Variants in STMN2 observed in about 807,000 individuals in gnomAD.
STMN2 encodes the protein stathmin-2.
A neutral mutation model predicts 24.1 loss-of-function variants in STMN2; 2 were observed. The observed-to-expected ratio is 0.08, with a 90% CI of 0.03 to 0.26. The LOEUF (loss-of-function observed/expected upper bound fraction) is 0.26, where lower values mean the gene tolerates loss of function less well. STMN2 is among the 10% of genes least tolerant of loss of function. The probability of loss-of-function intolerance (pLI) is 1.00; values close to 1 mark genes in which losing one functional copy is unlikely to be tolerated. For missense variants in STMN2, 114 were observed against 213.6 expected (o/e 0.53, Z 2.91); for synonymous variants, 83 against 77.5 (o/e 1.07, Z -0.37).
chr8:79,619,716 T>C (rs944151059), intron 1 of STMN2, among the ~76,000 whole-genome samples: 2 of 152,230 alleles, frequency 1.3e-5, no homozygotes, highest in Non-Finnish European at 2.9e-5. Flanking sequence ...AAAATATCTA[T>C]TGTTATTATT....
chr8:79,653,351 T>C (rs767200100), intron 3 of STMN2, among the ~76,000 whole-genome samples: 2 of 152,140 alleles, frequency 1.3e-5, no homozygotes, highest in Non-Finnish European at 2.9e-5. Flanking sequence ...TACTTCTGCC[T>C]GGGTGACAGA....
intron 4 of STMN2, among the ~76,000 whole-genome samples, chr8:79,664,596 T>C (rs17525442): frequency 0.32 from 48,244 of 152,116 alleles, 9,578 homozygotes; most frequent in Non-Finnish European, 0.45. Flanking sequence ...TGGTCATAGT[T>C]TTAAACAAAA....
At chr8:79,655,194 A>T (rs1585909236) in intron 4 of STMN2, 132 bp downstream of exon 4, 2 of 926,622 alleles carry the variant, frequency 2.2e-6, no homozygotes, top group Non-Finnish European at 3.2e-6. Context: ...TCCCATGGGC[A>T]GGGTCTCACA....
At chr8:79,658,687 T>C (rs1806433332) in intron 4 of STMN2, among the ~76,000 whole-genome samples, 1 of 152,200 alleles carries the variant, frequency 6.6e-6, no homozygotes, top group Non-Finnish European at 1.5e-5. Flanking sequence ...CTGCCTACCA[T>C]TCAGCACTCA....
intron 3 of STMN2, among the ~76,000 whole-genome samples, chr8:79,643,815 T>C (rs1371420729): frequency 6.6e-6 from 1 of 151,966 alleles, no homozygotes; most frequent in Non-Finnish European, 1.5e-5. Flanking sequence ...AATCATCCAG[T>C]GTTATGATGC....
chr8:79,647,278 A>C (rs764636016), intron 3 of STMN2, among the ~76,000 whole-genome samples: 3 of 152,374 alleles, frequency 2.0e-5, no homozygotes, highest in Non-Finnish European at 2.9e-5. Context: ...GCAGTATTGC[A>C]CTAAATTGAC....
chr8:79,634,413 T>A (rs1462537729), intron 1 of STMN2, among the ~76,000 whole-genome samples: 4 of 152,224 alleles, frequency 2.6e-5, no homozygotes, highest in African/African-American at 9.6e-5. Flanking sequence ...AGGACTTTTA[T>A]GGCACAGGAC....
intron 1 of STMN2, chr8:79,611,781 G>T: frequency 1.0e-6 from 1 of 965,100 alleles, no homozygotes; most frequent in Non-Finnish European, 1.2e-6. Context: ...CCTGGGGTGC[G>T]GTGCAGGGAG....
At chr8:79,632,016 G>T (rs142537798) in intron 1 of STMN2, among the ~76,000 whole-genome samples, 1 of 152,152 alleles carries the variant, frequency 6.6e-6, no homozygotes, top group Admixed American at 6.6e-5. Context: ...TAACAATTGC[G>T]GGTGCAAGAC....
chr8:79,654,918 C>G lies in STMN2; in HGVS notation c.336C>G (p.His112Gln). Residue 112 changes from histidine (H) to glutamine (Q), a missense_variant, in exon 4 of 5, where the codon CAC becomes CAG. His to Gln is a conservative substitution (Grantham distance 24). Coordinates refer to ENST00000220876, the MANE Select transcript of STMN2 (RefSeq NM_007029.4). ...AACAATTGGCAGAGAAGAGGGAACACGAGCGAGAAGTCCTTCAGAAGGCTT... is the reference window on the plus strand; with the variant it reads ...AACAATTGGCAGAGAAGAGGGAACAGGAGCGAGAAGTCCTTCAGAAGGCTT... ...VLKQLAEKRE[H>Q]EREVLQKALE... 6.2e-7 allele frequency: 1 copy of G among 1,613,592 alleles called. No homozygotes were observed. The highest frequency in any genetic ancestry group is 8.5e-7 in the Non-Finnish European group (1 of 1,179,728).
At chr8:79,647,209 C>T (rs1242187319) in intron 3 of STMN2, among the ~76,000 whole-genome samples, 4 of 152,030 alleles carry the variant, frequency 2.6e-5, no homozygotes, top group East Asian at 3.8e-4. Flanking sequence ...AATTATCTTA[C>T]CATGATTATA....
At chr8:79,624,695 C>T (rs1176093551) in intron 1 of STMN2, among the ~76,000 whole-genome samples, 14 of 152,104 alleles carry the variant, frequency 9.2e-5, no homozygotes, top group Admixed American at 2.0e-4. Flanking sequence ...TGAATACATA[C>T]GGTGAGGATA....
At chr8:79,653,650 C>A (rs1279842545) in intron 3 of STMN2, among the ~76,000 whole-genome samples, 1 of 152,200 alleles carries the variant, frequency 6.6e-6, no homozygotes, top group Non-Finnish European at 1.5e-5. Flanking sequence ...ACAACCACTA[C>A]CATCAACTAA....
intron 4 of STMN2, among the ~76,000 whole-genome samples, chr8:79,661,639 T>C (rs948183540): frequency 3.3e-5 from 5 of 152,132 alleles, no homozygotes; most frequent in African/African-American, 1.2e-4. Flanking sequence ...CTATCACATT[T>C]CATCCAAACA....
intron 1 of STMN2, among the ~76,000 whole-genome samples, chr8:79,613,106 T>G (rs1809282475): frequency 1.3e-5 from 2 of 151,850 alleles, no homozygotes; most frequent in South Asian, 4.1e-4. Context: ...CTGTCTCTTC[T>G]CGCCCACCCA....
chr8:79,647,643 C>T (rs778531696), intron 3 of STMN2, among the ~76,000 whole-genome samples: 47 of 152,196 alleles, frequency 3.1e-4, no homozygotes, highest in Non-Finnish European at 3.5e-4. Context: ...GATACTCCCT[C>T]GGGCTCCTTT....
At chr8:79,611,342 GA>G (rs1410596152) in intron 1 of STMN2, 128 bp downstream of exon 1, 12 of 1,276,206 alleles carry the variant, frequency 9.4e-6, no homozygotes, top group Non-Finnish European at 1.3e-5. Flanking sequence ...ACAGGACCAG[GA>G]AGGACAGGGC....
chr8:79,657,496 A>G (rs1322801269), intron 4 of STMN2, among the ~76,000 whole-genome samples: 1 of 151,648 alleles, frequency 6.6e-6, no homozygotes, highest in Non-Finnish European at 1.5e-5. Context: ...CATTTTAAAA[A>G]CTCTCCATAT....
chr8:79,644,750 A>G (rs1333610225), intron 3 of STMN2, among the ~76,000 whole-genome samples: 1 of 152,224 alleles, frequency 6.6e-6, no homozygotes, highest in East Asian at 1.9e-4. Flanking sequence ...TAGTTCATAC[A>G]CTATTCAATT....
Sources: allele counts gnomAD v4.1 joint callset (sites outside exome capture counted in the v4.1 genomes callset), GRCh38; gene constraint gnomAD v4.1.1; transcripts MANE v1.5; gene names NCBI Gene and HGNC (gene_info 2026-07-23, HGNC 2026-07-21).